Variants in EXTL3 observed in about 807,000 individuals in gnomAD.
EXTL3 encodes the protein exostosin-like 3.
Under a neutral mutation model 69.3 loss-of-function variants are expected in EXTL3, and 27 were observed. That is an observed-to-expected ratio of 0.39 (90% CI 0.29 to 0.54). The LOEUF is 0.54. Ranked by LOEUF, EXTL3 falls within the 20% of genes least tolerant of loss-of-function variation. EXTL3 has a pLI of 0.69. For synonymous variants in EXTL3, 511 were observed against 499.4 expected (o/e 1.02, Z -0.31); for missense variants, 1,003 against 1,231.8 (o/e 0.81, Z 2.78).
chr8:28,608,014 G>T (rs1057091959), intron 2 of EXTL3, among the ~76,000 whole-genome samples: 1 of 151,756 alleles, frequency 6.6e-6, no homozygotes, highest in Non-Finnish European at 1.5e-5. Flanking sequence ...GGAGGCTGAG[G>T]CAGGAGAATG....
intron 2 of EXTL3, among the ~76,000 whole-genome samples, chr8:28,613,478 G>A (rs570774004): frequency 6.6e-6 from 1 of 152,246 alleles, no homozygotes; most frequent in South Asian, 2.1e-4. Context: ...CACTGCGCCT[G>A]GCCCTATGCT....
chr8:28,667,365 C>A (rs945707629), intron 1 of EXTL3, among the ~76,000 whole-genome samples: 1 of 152,134 alleles, frequency 6.6e-6, no homozygotes, highest in African/African-American at 2.4e-5. Context: ...TCAAGAAGAG[C>A]ATTCAGAGGA....
chr8:28,690,052 G>A (rs1388705885), intron 1 of EXTL3, among the ~76,000 whole-genome samples: 1 of 152,104 alleles, frequency 6.6e-6, no homozygotes, highest in African/African-American at 2.4e-5. Context: ...CTACAGGGAT[G>A]TTCATTTTGT....
chr8:28,728,792 A>G (rs1489721639), intron 3 of EXTL3, among the ~76,000 whole-genome samples: 1 of 151,898 alleles, frequency 6.6e-6, no homozygotes, highest in African/African-American at 2.4e-5. Context: ...GGGAGCTGAG[A>G]CAAGAGGATC....
At position 28,717,924 on chromosome 8, in the gene EXTL3, T is replaced by A; in HGVS notation, c.1865T>A (p.Val622Glu). 6.2e-7 allele frequency: 1 copy of A among 1,614,260 alleles called. No homozygotes were observed. Among genetic ancestry groups the A allele is most frequent in the African/African-American group, 1.3e-5 (1 of 75,070 alleles). The change falls in exon 3 of 7, where the codon GTG (valine) becomes GAG (glutamate). Residue 622 changes from valine to glutamate, a missense_variant. Physicochemically the swap from Val to Glu is moderately radical, Grantham distance 121. This residue lies in a region of EXTL3 where 261 missense variants were observed against 416.4 expected (regional missense o/e 0.63). Coordinates refer to ENST00000220562, the MANE Select transcript of EXTL3 (RefSeq NM_001440.4). This position sits in a 1 kb window ranked among gnomAD's most constrained non-coding sequence, Gnocchi z 8.3. ...HLFPHTPFDP[V>E]LPSEAKFLGS... is the part of the protein sequence containing the mutation. ...TTCCCCCACACTCCCTTTGACCCTG[T>A]GTTGCCCTCAGAGGCCAAATTCTTG...
chr8:28,736,424 A>C (rs956883709), intron 4 of EXTL3, among the ~76,000 whole-genome samples: 2 of 152,250 alleles, frequency 1.3e-5, no homozygotes, highest in Non-Finnish European at 2.9e-5. Context: ...AAACGCTTTC[A>C]GTTCTCCAAT....
chr8:28,627,244 C>A (rs1000710279), intron 1 of EXTL3, among the ~76,000 whole-genome samples: 1 of 151,782 alleles, frequency 6.6e-6, no homozygotes, highest in African/African-American at 2.4e-5. Flanking sequence ...GGCGCAGTGG[C>A]TCATGACTAA....
Position 28,731,225 on chromosome 8 carries a change from G to A in EXTL3, c.2151G>A (p.Val717=), listed in dbSNP as rs149703779. 25 of 1,613,978 alleles carry A rather than the reference G, an allele frequency of 1.5e-5. No individual in the cohort carries two copies. Among genetic ancestry groups the A allele is most frequent in the Non-Finnish European group, 2.0e-5 (24 of 1,180,014 alleles). ...ATGTTTTTCCTTCCTCATCACAGGT[G>A]GTCCGTACTGAGAAGAACAGTTTGA... ...LWPDIGVPIM[V]VRTEKNSLNN... Residue 717 remains valine (V), a splice_region_variant and synonymous_variant, in exon 4 of 7, where the codon GTG becomes GTA. Transcript: ENST00000220562.
intron 1 of EXTL3, among the ~76,000 whole-genome samples, chr8:28,673,713 ATC>A (rs1361275183): frequency 2.0e-5 from 3 of 152,128 alleles, no homozygotes; most frequent in African/African-American, 7.2e-5. Context: ...CTCTGTATCT[ATC>A]TATATACAGG....
In EXTL3 at chr8:28,691,744, A is replaced by G. The variant is rs555202369; in HGVS notation, c.-52-21713A>G. The stretch of plus-strand genomic sequence containing the variant: ...GAAGCCCCATCTCTACTAAAAATAC[A>G]AAATTAGCCAGGCGTGGTGGCGCGA... On this transcript the variant is annotated intron_variant, in intron 1 of 6. Transcript: ENST00000523149. Among the ~76,000 whole-genome samples the G allele has an allele frequency of 7.9e-5, 12 of 151,836 alleles. No individual in the cohort carries two copies. In the East Asian group the frequency reaches 2.1e-3, roughly 27 times the overall value.
In EXTL3 at chr8:28,755,520, G is replaced by A. The variant is rs59815642; in HGVS notation, c.*4654G>A. 0.088 allele frequency: 13,334 copies of A among 152,366 alleles called. 674 individuals carry two copies. Among genetic ancestry groups the A allele is most frequent in the Middle Eastern group, 0.16 (46 of 294 alleles). 9.4% of individuals were successfully genotyped at this position (152,366 alleles called of 1,614,324 possible). A position where few individuals can be genotyped will look rare whatever the true frequency, so the allele number is the denominator to read the frequency against. On this transcript the variant is annotated 3_prime_UTR_variant, in exon 7 of 7. Transcript: ENST00000220562. The stretch of plus-strand genomic sequence containing the variant: ...TCCCAGCACCTGGGGAGGCCAAGGC[G>A]GGTGGATCACCTGAGGTCAGGAGTT...
At chr8:28,682,961 T>A (rs537188190) in intron 1 of EXTL3, among the ~76,000 whole-genome samples, 8 of 152,230 alleles carry the variant, frequency 5.3e-5, no homozygotes, top group Non-Finnish European at 5.9e-5. Context: ...AAGGTCTAAT[T>A]TCATTCTTTT....
downstream of EXTL3, among the ~76,000 whole-genome samples, chr8:28,756,415 T>C (rs1367412927): frequency 6.6e-6 from 1 of 152,238 alleles, no homozygotes; most frequent in Non-Finnish European, 1.5e-5. Context: ...GATGCATCCA[T>C]CGTTGCTGAA....
chr8:28,624,285 C>T (rs1363358333), intron 1 of EXTL3, among the ~76,000 whole-genome samples: 3 of 152,136 alleles, frequency 2.0e-5, no homozygotes, highest in Non-Finnish European at 4.4e-5. Flanking sequence ...ATTGTGAGGC[C>T]GGGTGTGGTG....
At position 28,750,039 on chromosome 8, in the gene EXTL3, C is replaced by A. The variant is rs1251652637; in HGVS notation, c.2551-618C>A. Reference sequence around the variant, plus strand: ...TAAAGAGATGGTTTATGTATTTCTTCTTGCATGTTCAGGTGTTCTGAGGGG... The same window carrying A: ...TAAAGAGATGGTTTATGTATTTCTTATTGCATGTTCAGGTGTTCTGAGGGG... On this transcript the variant is annotated intron_variant, in intron 6 of 6. Transcript: ENST00000220562. This position sits in a 1 kb window ranked among gnomAD's most constrained non-coding sequence, Gnocchi z 5.2. 6.6e-6 allele frequency among the ~76,000 whole-genome samples: 1 copy of A among 152,204 alleles called. No individual in the cohort carries two copies. The highest frequency in any genetic ancestry group is 1.5e-5 in the Non-Finnish European group (1 of 68,034).
intron 1 of EXTL3, among the ~76,000 whole-genome samples, chr8:28,666,736 C>T (rs1453094403): frequency 6.6e-6 from 1 of 152,148 alleles, no homozygotes; most frequent in Non-Finnish European, 1.5e-5. Flanking sequence ...CCACCACACC[C>T]AGCTAATTTT....
intron 3 of EXTL3, 131 bp from the exon 4 acceptor site, chr8:28,731,092 T>C: frequency 9.5e-7 from 1 of 1,054,778 alleles, no homozygotes; most frequent in Non-Finnish European, 1.5e-6. Context: ...TATGCTAGAT[T>C]TTACAAGCGC....
At chr8:28,688,125 G>A (rs1033567242) in intron 1 of EXTL3, among the ~76,000 whole-genome samples, 4 of 149,178 alleles carry the variant, frequency 2.7e-5, no homozygotes, top group Non-Finnish European at 3.0e-5. Flanking sequence ...GCAGTGGCAC[G>A]ATCTTGGCTC....
intron 1 of EXTL3, among the ~76,000 whole-genome samples, chr8:28,661,404 A>G (rs1396408282): frequency 2.0e-5 from 3 of 152,082 alleles, no homozygotes; most frequent in Non-Finnish European, 4.4e-5. Flanking sequence ...AAGCTTTAGC[A>G]TAAATACAAA....
Sources: allele counts gnomAD v4.1 joint callset (sites outside exome capture counted in the v4.1 genomes callset), GRCh38; gene constraint gnomAD v4.1.1; regional missense constraint gnomAD v4.1.1; non-coding constraint Gnocchi (gnomAD v3.1); transcripts MANE v1.5; gene names NCBI Gene and HGNC (gene_info 2026-07-23, HGNC 2026-07-21).